CDKAL1: variants seen among roughly 807,000 people sequenced by gnomAD.
CDKAL1 encodes CDKAL1 threonylcarbamoyladenosine tRNA methylthiotransferase, also known as threonylcarbamoyladenosine tRNA methylthiotransferase.
Under a neutral mutation model 68.2 loss-of-function variants are expected in CDKAL1, and 32 were observed. The observed-to-expected ratio is 0.47, with a 90% CI of 0.35 to 0.63. CDKAL1 has a LOEUF of 0.63. CDKAL1 is among the 30% of genes least tolerant of loss of function. The pLI, the probability that CDKAL1 is intolerant of heterozygous loss-of-function variation, is 0.00. For synonymous variants in CDKAL1, 234 were observed against 244.3 expected, an observed-to-expected ratio of 0.96 and a Z score of 0.39; for missense variants, 606 against 696.7, an observed-to-expected ratio of 0.87 and a Z score of 1.47.
intron 11 of CDKAL1, among the ~76,000 whole-genome samples, chr6:21,033,947 G>C (rs1214564021): frequency 6.6e-6 from 1 of 151,700 alleles, no homozygotes; most frequent in South Asian, 2.1e-4. Context: ...GTTACAGAGG[G>C]TTTACCAGGA....
chr6:21,035,889 A>G (rs1376654606), intron 11 of CDKAL1, among the ~76,000 whole-genome samples: 2 of 152,186 alleles, frequency 1.3e-5, no homozygotes, highest in African/African-American at 2.4e-5. Context: ...GCAGAATTCT[A>G]TTAGATTCTA....
intron 12 of CDKAL1, among the ~76,000 whole-genome samples, chr6:21,075,971 G>A (rs143079105): frequency 3.5e-4 from 53 of 152,090 alleles, no homozygotes; most frequent in African/African-American, 1.3e-3. Context: ...ATGTTAAATT[G>A]TGATACATCT....
intron 4 of CDKAL1, among the ~76,000 whole-genome samples, chr6:20,564,622 A>G (rs1010029940): frequency 6.6e-6 from 1 of 152,204 alleles, no homozygotes; most frequent in East Asian, 1.9e-4. Context: ...TGTGTGATCC[A>G]TTGTAATTAA....
intron 4 of CDKAL1, among the ~76,000 whole-genome samples, chr6:20,554,065 G>A (rs184910087): frequency 6.6e-5 from 10 of 152,176 alleles, no homozygotes; most frequent in Admixed American, 2.0e-4. Context: ...TGGTCTGCCC[G>A]CCTTGGCCTC....
At chr6:20,639,069 A>C (rs999485411) in intron 4 of CDKAL1, among the ~76,000 whole-genome samples, 3 of 152,286 alleles carry the variant, frequency 2.0e-5, no homozygotes, top group Non-Finnish European at 2.9e-5. Flanking sequence ...CTTGTACCTG[A>C]TTTGACTATG....
chr6:20,922,529 A>T (rs1007844974), intron 9 of CDKAL1, among the ~76,000 whole-genome samples: 12 of 152,204 alleles, frequency 7.9e-5, no homozygotes, highest in African/African-American at 1.4e-4. Flanking sequence ...CTATTTTGTG[A>T]CAAATAACAG....
At chr6:20,956,229 T>C (rs777852907) in intron 10 of CDKAL1, among the ~76,000 whole-genome samples, 2 of 152,242 alleles carry the variant, frequency 1.3e-5, no homozygotes, top group Non-Finnish European at 2.9e-5. Flanking sequence ...GTAATCACTG[T>C]GAACAAAGGT....
chr6:20,562,978 T>C lies in CDKAL1; in HGVS notation c.286+14273T>C, dbSNP rs567016383. Among the ~76,000 whole-genome samples the C allele has an allele frequency of 9.2e-5, 14 of 152,322 alleles. No individual in the cohort carries two copies. The South Asian group carries it at 2.9e-3, about 32-fold the overall frequency. On this transcript the variant is annotated intron_variant, in intron 4 of 15. Coordinates refer to ENST00000274695, the MANE Select transcript of CDKAL1 (RefSeq NM_017774.3). ...GATGTAGTGCTTATGGCTCATCCCATTGACTCTTTCTCTGCTTTCACTCCT... is the reference window on the plus strand; with the variant it reads ...GATGTAGTGCTTATGGCTCATCCCACTGACTCTTTCTCTGCTTTCACTCCT...
intron 13 of CDKAL1, among the ~76,000 whole-genome samples, chr6:21,185,893 T>C (rs889957528): frequency 1.3e-5 from 2 of 152,236 alleles, no homozygotes; most frequent in Admixed American, 1.3e-4. Flanking sequence ...AGGACTTGTA[T>C]GTGCTTGAGG....
chr6:20,742,655 T>C (rs1340032651), intron 6 of CDKAL1, among the ~76,000 whole-genome samples: 3 of 152,052 alleles, frequency 2.0e-5, no homozygotes, highest in Admixed American at 2.0e-4. Context: ...ATATGCATAA[T>C]ACATTAATGC....
intron 5 of CDKAL1, among the ~76,000 whole-genome samples, chr6:20,720,929 A>G (rs1264348288): frequency 6.6e-6 from 1 of 152,194 alleles, no homozygotes; most frequent in Non-Finnish European, 1.5e-5. Flanking sequence ...TATTGCTGCA[A>G]ATGACATTAT....
chr6:20,547,632 T>A (rs1310073485), intron 3 of CDKAL1, among the ~76,000 whole-genome samples: 1 of 152,214 alleles, frequency 6.6e-6, no homozygotes, highest in African/African-American at 2.4e-5. Context: ...GAAACTAAGC[T>A]TTTAAATTCT....
At chr6:21,035,320 C>T (rs1446497557) in intron 11 of CDKAL1, among the ~76,000 whole-genome samples, 1 of 152,062 alleles carries the variant, frequency 6.6e-6, no homozygotes, top group Non-Finnish European at 1.5e-5. Context: ...GAATAAAGCA[C>T]AGGAAATCTC....
chr6:21,197,342 GA>G (rs1778515869), intron 13 of CDKAL1, among the ~76,000 whole-genome samples: 1 of 152,032 alleles, frequency 6.6e-6, no homozygotes, highest in Non-Finnish European at 1.5e-5. Flanking sequence ...CAATTCTGTG[GA>G]AAATTAGCAA....
chr6:21,041,822 A>T, intron 11 of CDKAL1, among the ~76,000 whole-genome samples: 1 of 152,316 alleles, frequency 6.6e-6, no homozygotes, highest in East Asian at 1.9e-4. Context: ...AACATCAAAT[A>T]AAAGTCCAAA....
intron 4 of CDKAL1, among the ~76,000 whole-genome samples, chr6:20,632,625 C>G (rs1294166785): frequency 6.6e-6 from 1 of 152,124 alleles, no homozygotes; most frequent in Non-Finnish European, 1.5e-5. Context: ...TTTCTCCTAC[C>G]TCGGTCATGA....
chr6:21,097,262 G>T (rs921541685), intron 12 of CDKAL1, among the ~76,000 whole-genome samples: 4 of 152,118 alleles, frequency 2.6e-5, no homozygotes, highest in African/African-American at 9.7e-5. Flanking sequence ...CTGAGGTCAG[G>T]AGTTCAAGAC....
chr6:20,623,208 C>T (rs761664479), intron 4 of CDKAL1, among the ~76,000 whole-genome samples: 31 of 151,934 alleles, frequency 2.0e-4, no homozygotes, highest in Non-Finnish European at 4.1e-4. Flanking sequence ...TTTTTAGTAA[C>T]AACAGATAAA....
intron 10 of CDKAL1, among the ~76,000 whole-genome samples, chr6:20,971,932 C>G (rs1348015771): frequency 6.6e-6 from 1 of 152,132 alleles, no homozygotes; most frequent in Non-Finnish European, 1.5e-5. Context: ...CGTGAAAAAA[C>G]TGTTGTTCCA....
Sources: allele counts gnomAD v4.1 joint callset (sites outside exome capture counted in the v4.1 genomes callset), GRCh38; gene constraint gnomAD v4.1.1; transcripts MANE v1.5; gene names NCBI Gene and HGNC (gene_info 2026-07-23, HGNC 2026-07-21).